DNAJB14: variants seen among roughly 807,000 people sequenced by gnomAD.
The protein encoded by DNAJB14 is dnaJ homolog subfamily B member 14.
DNAJB14 carries 22 observed loss-of-function variants against 48.4 expected under a neutral mutation model. The ratio of observed to expected loss-of-function variants is 0.45; its 90% confidence interval spans 0.32 to 0.65. The LOEUF (loss-of-function observed/expected upper bound fraction) is 0.65. Among genes scored for constraint, DNAJB14 ranks in the 30% least tolerant of loss-of-function variants. DNAJB14 has a pLI of 0.03. For synonymous variants in DNAJB14, 142 were observed against 158.7 expected (o/e 0.89, Z 0.79); for missense variants, 319 against 458.8 (o/e 0.70, Z 2.78).
At chr4:99,914,768 T>G (rs1187873540) in intron 3 of DNAJB14, among the ~76,000 whole-genome samples, 2 of 152,208 alleles carry the variant, frequency 1.3e-5, no homozygotes, top group Non-Finnish European at 2.9e-5. Flanking sequence ...ATGATTTGTA[T>G]TTTTCAACTA....
chr4:99,905,038 T>C (rs1725416925), intron 6 of DNAJB14, among the ~76,000 whole-genome samples: 1 of 152,050 alleles, frequency 6.6e-6, no homozygotes, highest in Non-Finnish European at 1.5e-5. Context: ...TTATTCATGC[T>C]GCTATAACAG....
In DNAJB14 at chr4:99,946,542, T is replaced by C; in HGVS notation, c.30A>G (p.Lys10=). 1.2e-6 allele frequency: 2 copies of C among 1,613,786 alleles called. No individual in the cohort carries two copies. The highest frequency in any genetic ancestry group is 1.7e-6 in the Non-Finnish European group (2 of 1,179,744). The change falls in exon 1 of 8, where the codon AAA becomes AAG. Residue 10 remains lysine (K), a synonymous_variant. Transcript: ENST00000442697. ...GGGCCTCCCGGGCGATCTCGACACATTTCTCAGCCTCATCCCTGTTCCCCT... is the reference window on the plus strand; with the variant it reads ...GGGCCTCCCGGGCGATCTCGACACACTTCTCAGCCTCATCCCTGTTCCCCT... MEGNRDEAE[K]CVEIAREALN... is the part of the protein sequence containing the mutation.
chr4:99,900,996 G>A lies in DNAJB14; in HGVS notation c.*32C>T. On this transcript the variant is annotated 3_prime_UTR_variant, in exon 8 of 8. Coordinates refer to ENST00000442697, the MANE Select transcript of DNAJB14 (RefSeq NM_001031723.4). ...AACTTACTTACAGAAAAAATAAAGAGTACGCTAAAAGGTATAAATAAAAAT... is the reference window on the plus strand; with the variant it reads ...AACTTACTTACAGAAAAAATAAAGAATACGCTAAAAGGTATAAATAAAAAT... The A allele has an allele frequency of 6.3e-7, 1 of 1,585,436 alleles. No individual in the cohort carries two copies. The highest frequency in any genetic ancestry group is 1.9e-5 in the Admixed American group (1 of 52,952).
chr4:99,944,250 G>A (rs1040000159), intron 1 of DNAJB14, among the ~76,000 whole-genome samples: 14 of 152,188 alleles, frequency 9.2e-5, no homozygotes, highest in African/African-American at 3.1e-4. Flanking sequence ...CAGAAAATAG[G>A]TGTTGGCAAG....
intron 3 of DNAJB14, chr4:99,922,820 G>A: frequency 2.4e-6 from 1 of 416,720 alleles, no homozygotes; most frequent in Admixed American, 4.2e-5. Flanking sequence ...AGTTACTTGA[G>A]ACTGTATCAG....
chr4:99,918,660 G>A (rs1725942888), intron 3 of DNAJB14, among the ~76,000 whole-genome samples: 1 of 152,212 alleles, frequency 6.6e-6, no homozygotes, highest in Non-Finnish European at 1.5e-5. Context: ...CCATTGGATA[G>A]ATACGTAAGT....
In DNAJB14 at chr4:99,925,755, A is replaced by G. The variant is rs918354989; in HGVS notation, c.306-2570T>C. On this transcript the variant is annotated intron_variant, in intron 2 of 7. Coordinates refer to ENST00000442697, the MANE Select transcript of DNAJB14 (RefSeq NM_001031723.4). ...ATATAAGTAAAATATAATGTACATC[A>G]TATGGTGATAAATATCTGGAGAAAA... is the stretch of plus-strand genomic sequence containing the variant. 2 of 152,176 alleles carry G rather than the reference A, an allele frequency of 1.3e-5. 1 individual carries two copies. The highest frequency in any genetic ancestry group is 1.3e-4 in the Admixed American group (2 of 15,262). 9.4% of individuals were successfully genotyped at this position (152,176 alleles called of 1,614,324 possible). A position where few individuals can be genotyped will look rare whatever the true frequency, so the allele number is the denominator to read the frequency against.
chr4:99,933,008 G>A (rs1400948408), intron 1 of DNAJB14, among the ~76,000 whole-genome samples: 1 of 152,124 alleles, frequency 6.6e-6, no homozygotes, highest in African/African-American at 2.4e-5. Context: ...AATAAATGAG[G>A]AGTGACTGCT....
chr4:99,942,154 A>C (rs1450289197), intron 1 of DNAJB14: 1 of 152,088 alleles, frequency 6.6e-6, no homozygotes, highest in Non-Finnish European at 1.5e-5. Flanking sequence ...AGGACTGTTT[A>C]AATTGCTATT....
At chr4:99,908,598 G>A (rs749141475) in intron 4 of DNAJB14, 113 bp downstream of exon 4, 15 of 797,746 alleles carry the variant, frequency 1.9e-5, no homozygotes, top group South Asian at 3.5e-5. Flanking sequence ...TTACAGGATC[G>A]TAACACTACA....
At chr4:99,908,665 C>G in intron 4 of DNAJB14, 46 bp downstream of exon 4, 1 of 1,391,980 alleles carries the variant, frequency 7.2e-7, no homozygotes, top group South Asian at 1.6e-5. Context: ...GGAGGTAAGA[C>G]TATGTAGCTT....
At chr4:99,944,532 G>GGAAT (rs1726995138) in intron 1 of DNAJB14, among the ~76,000 whole-genome samples, 1 of 151,744 alleles carries the variant, frequency 6.6e-6, no homozygotes, top group Non-Finnish European at 1.5e-5. Flanking sequence ...TATATACAAT[G>GGAAT]GAATATTATT....
intron 1 of DNAJB14, among the ~76,000 whole-genome samples, chr4:99,940,790 C>T (rs1726863250): frequency 2.0e-5 from 3 of 151,702 alleles, no homozygotes; most frequent in African/African-American, 7.3e-5. Context: ...CAATTGTTGA[C>T]ATATTAGAGA....
chr4:99,903,609 T>C, intron 7 of DNAJB14, 117 bp downstream of exon 7: 1 of 1,075,208 alleles, frequency 9.3e-7, no homozygotes, highest in Non-Finnish European at 1.3e-6. Context: ...ATTTAAGTAC[T>C]GTGCTCCAAT....
chr4:99,943,084 T>C (rs1260433655), intron 1 of DNAJB14, among the ~76,000 whole-genome samples: 1 of 152,194 alleles, frequency 6.6e-6, no homozygotes, highest in Non-Finnish European at 1.5e-5. Context: ...GAATGTTCTA[T>C]ATAAAATACA....
Position 99,902,785 on chromosome 4 carries a change from G to A in DNAJB14, c.1015+941C>T, listed in dbSNP as rs564380001. ...AATTGTCTGGTTTTCAATCACAAAC[G>A]ACCTCTATGACCTTGGGCAAGTTAG... On this transcript the variant is annotated intron_variant, in intron 7 of 7. Coordinates refer to ENST00000442697, the MANE Select transcript of DNAJB14 (RefSeq NM_001031723.4). Among the ~76,000 whole-genome samples, 9 of 152,238 alleles carry A rather than the reference G, an allele frequency of 5.9e-5. No homozygotes were observed. In the East Asian group the frequency reaches 1.4e-3, roughly 23 times the overall value.
intron 1 of DNAJB14, among the ~76,000 whole-genome samples, chr4:99,937,279 A>G (rs907845158): frequency 6.6e-6 from 1 of 151,784 alleles, no homozygotes; most frequent in African/African-American, 2.4e-5. Flanking sequence ...ATCGCGCCAT[A>G]CACTCCAGCC....
intron 1 of DNAJB14, 114 bp from the exon 2 acceptor site, chr4:99,930,735 C>G: frequency 8.7e-7 from 1 of 1,147,004 alleles, no homozygotes; most frequent in Non-Finnish European, 1.2e-6. Flanking sequence ...AAAAGATTCA[C>G]CATAGGATCT....
chr4:99,906,175 T>C, intron 5 of DNAJB14: 1 of 1,331,578 alleles, frequency 7.5e-7, no homozygotes, highest in Non-Finnish European at 9.8e-7. Context: ...TAGGTATAAC[T>C]GCATTAGAAC....
Sources: allele counts gnomAD v4.1 joint callset (sites outside exome capture counted in the v4.1 genomes callset), GRCh38; gene constraint gnomAD v4.1.1; transcripts MANE v1.5; gene names NCBI Gene and HGNC (gene_info 2026-07-23, HGNC 2026-07-21).